CERKL: variants seen among roughly 807,000 people sequenced by gnomAD.
The protein encoded by CERKL is CERK like autophagy regulator.
In CERKL, 61 loss-of-function variants were observed where a neutral mutation model predicts 63.4. The observed-to-expected ratio is 0.96, with a 90% confidence interval of 0.78 to 1.19. The LOEUF (loss-of-function observed/expected upper bound fraction) is 1.19. Ranked by LOEUF, CERKL falls within the 50% of genes most tolerant of loss-of-function variation. CERKL has a pLI of 0.00. For missense variants in CERKL, 675 were observed against 655.5 expected (o/e 1.03, Z -0.33); for synonymous variants, 250 against 230.5 (o/e 1.08, Z -0.77).
intron 1 of CERKL, among the ~76,000 whole-genome samples, chr2:181,620,342 C>A (rs769536779): frequency 1.3e-5 from 2 of 152,168 alleles, no homozygotes; most frequent in African/African-American, 2.4e-5. Context: ...AGTACCTCTG[C>A]AGGTCAGATC....
chr2:181,635,483 C>T (rs1050697661), intron 1 of CERKL, among the ~76,000 whole-genome samples: 2 of 151,992 alleles, frequency 1.3e-5, no homozygotes, highest in Non-Finnish European at 2.9e-5. Context: ...ATTATGTTCA[C>T]CAAGATTTCA....
Position 181,558,747 on chromosome 2 carries a change from A to C in CERKL, c.678-39T>G. On this transcript the variant is annotated intron_variant, in intron 4 of 12. Transcript: ENST00000410087. The surrounding 1 kb of genome is among the most constrained non-coding windows in gnomAD (Gnocchi z 4.2). ...AATCAAGCAAAGAAGGCAAAACTTC[A>C]GAATGATTGGTAATAAGTCATGAAA... 1 of 1,606,936 alleles carries C rather than the reference A, an allele frequency of 6.2e-7. No individual in the cohort carries two copies. Among genetic ancestry groups the C allele is most frequent in the Non-Finnish European group, 8.5e-7 (1 of 1,174,134 alleles).
At chr2:181,648,230 T>C (rs1471906753) in intron 1 of CERKL, among the ~76,000 whole-genome samples, 1 of 152,136 alleles carries the variant, frequency 6.6e-6, no homozygotes, top group Non-Finnish European at 1.5e-5. Flanking sequence ...TGTGGCACAT[T>C]ATAGTCAAAC....
In CERKL at chr2:181,646,858, TGAA is replaced by T. The variant is rs565007643; in HGVS notation, c.238+9908_238+9910del. Among the ~76,000 whole-genome samples, 38 of 152,244 alleles carry T rather than the reference TGAA, an allele frequency of 2.5e-4. 1 individual carries two copies. In the Middle Eastern group the frequency reaches 0.01, roughly 41 times the overall value. On this transcript the variant is annotated intron_variant, in intron 1 of 12. Coordinates refer to ENST00000410087, the MANE Select transcript of CERKL (RefSeq NM_201548.5). ...AGAACAAAGCCAGGTCTCAGATGGT[TGAA>T]GAATAATTAAGAGGTGAACTAATGG...
chr2:181,618,406 ATTTTT>A (rs1686302988), intron 1 of CERKL, among the ~76,000 whole-genome samples: 1 of 151,258 alleles, frequency 6.6e-6, no homozygotes, highest in Admixed American at 6.6e-5. Context: ...ACTTACTGTT[ATTTTT>A]ATTTTTATTT....
chr2:181,607,772 C>A (rs1489192555), intron 1 of CERKL, among the ~76,000 whole-genome samples: 1 of 152,168 alleles, frequency 6.6e-6, no homozygotes, highest in African/African-American at 2.4e-5. Context: ...CCTGAAAAAT[C>A]CTCACCCTAT....
chr2:181,622,626 A>C (rs1686505593), intron 1 of CERKL, among the ~76,000 whole-genome samples: 1 of 152,190 alleles, frequency 6.6e-6, no homozygotes, highest in Admixed American at 6.5e-5. Context: ...TTGGGGAGAA[A>C]AACAAAAATG....
intron 1 of CERKL, among the ~76,000 whole-genome samples, chr2:181,632,647 G>GT (rs1178019310): frequency 1.3e-5 from 2 of 152,192 alleles, no homozygotes; most frequent in African/African-American, 4.8e-5. Flanking sequence ...ATAGGCAGTA[G>GT]TAAGTATCAG....
intron 1 of CERKL, among the ~76,000 whole-genome samples, chr2:181,611,572 C>A (rs938434652): frequency 6.6e-6 from 1 of 152,036 alleles, no homozygotes; most frequent in Non-Finnish European, 1.5e-5. Flanking sequence ...GTGGTCCCAG[C>A]TACTCAGGAG....
chr2:181,633,272 A>C (rs958090362), intron 1 of CERKL, among the ~76,000 whole-genome samples: 1 of 152,230 alleles, frequency 6.6e-6, no homozygotes, highest in Non-Finnish European at 1.5e-5. Context: ...CCCAAGGGAC[A>C]AAAAGGGGAC....
At chr2:181,565,649 A>T in intron 4 of CERKL, 1 of 736,184 alleles carries the variant, frequency 1.4e-6, no homozygotes. Flanking sequence ...CAAGTTAACC[A>T]ATGGGTAGCT....
At chr2:181,607,746 C>T (rs972234316) in intron 1 of CERKL, among the ~76,000 whole-genome samples, 1 of 152,150 alleles carries the variant, frequency 6.6e-6, no homozygotes, top group African/African-American at 2.4e-5. Context: ...TGAAAGCAAG[C>T]AGGCTTACCA....
chr2:181,584,717 C>T (rs1425722084), intron 2 of CERKL, among the ~76,000 whole-genome samples: 2 of 151,616 alleles, frequency 1.3e-5, no homozygotes, highest in Admixed American at 6.6e-5. Flanking sequence ...ATTATTCCAT[C>T]CACTCATATA....
At chr2:181,604,109 A>G (rs866711724) in intron 1 of CERKL, 30 bp from the exon 2 acceptor site, 2 of 1,556,880 alleles carry the variant, frequency 1.3e-6, no homozygotes, top group Non-Finnish European at 8.8e-7. Context: ...TCCAATTAAA[A>G]CCATTGTGTT....
At chr2:181,601,247 T>A (rs1175129585) in intron 2 of CERKL, among the ~76,000 whole-genome samples, 3 of 152,146 alleles carry the variant, frequency 2.0e-5, no homozygotes, top group Non-Finnish European at 4.4e-5. Flanking sequence ...AAGAAAAAAC[T>A]TCTTGAGATA....
chr2:181,644,833 G>T (rs775936994), intron 1 of CERKL, among the ~76,000 whole-genome samples: 1 of 152,044 alleles, frequency 6.6e-6, no homozygotes, highest in South Asian at 2.1e-4. Context: ...ATAAAAAAAA[G>T]CACAAAGGAA....
chr2:181,573,650 A>G lies in CERKL; in HGVS notation c.613+103T>C, dbSNP rs1439101330. On this transcript the variant is annotated intron_variant, in intron 3 of 12. Transcript: ENST00000410087. ...TTATGAAGACGTAAAAATGCTATAG[A>G]TATTACAAGTAGTTTCCCAAGTTTG... 3 of 970,648 alleles carry G rather than the reference A, an allele frequency of 3.1e-6. No homozygotes were observed. The East Asian group carries it at 7.7e-5, about 25-fold the overall frequency. 60.1% of individuals were successfully genotyped at this position (970,648 alleles called of 1,614,324 possible).
intron 11 of CERKL, among the ~76,000 whole-genome samples, chr2:181,540,877 AG>A (rs1687476732): frequency 6.6e-6 from 1 of 152,208 alleles, no homozygotes; most frequent in African/African-American, 2.4e-5. Context: ...GGAGGCAAAC[AG>A]GCTATGGATG....
chr2:181,650,185 G>T (rs1355358241), intron 1 of CERKL: 1 of 150,850 alleles, frequency 6.6e-6, no homozygotes, highest in Admixed American at 6.6e-5. Flanking sequence ...AGAAAGAAAA[G>T]AAATAAACTA....
Sources: allele counts gnomAD v4.1 joint callset (sites outside exome capture counted in the v4.1 genomes callset), GRCh38; gene constraint gnomAD v4.1.1; non-coding constraint Gnocchi (gnomAD v3.1); transcripts MANE v1.5; gene names NCBI Gene and HGNC (gene_info 2026-07-23, HGNC 2026-07-21).